TMEM163: variants seen among roughly 807,000 people sequenced by gnomAD.
TMEM163 encodes transmembrane protein 163.
TMEM163 carries 17 observed loss-of-function variants against 29.3 expected under a neutral mutation model. The ratio of observed to expected loss-of-function variants is 0.58; its 90% CI spans 0.40 to 0.87. TMEM163 has a LOEUF of 0.87. TMEM163 is among the 40% of genes least tolerant of loss of function. TMEM163 has a pLI of 0.00. For missense variants in TMEM163, 303 were observed against 381.5 expected, an observed-to-expected ratio of 0.79 and a Z score of 1.71; for synonymous variants, 157 against 160.6, an observed-to-expected ratio of 0.98 and a Z score of 0.17.
intron 2 of TMEM163, among the ~76,000 whole-genome samples, chr2:134,585,179 T>G (rs1202183358): frequency 6.6e-6 from 1 of 152,190 alleles, no homozygotes; most frequent in Non-Finnish European, 1.5e-5. Context: ...TCTTTTTTCT[T>G]TTTTAGAGAC....
At chr2:134,698,952 A>G (rs1377554372) in intron 2 of TMEM163, among the ~76,000 whole-genome samples, 1 of 152,246 alleles carries the variant, frequency 6.6e-6, no homozygotes, top group Non-Finnish European at 1.5e-5. Context: ...CTCCACATTG[A>G]GCCACTGGAT....
At chr2:134,625,467 G>A (rs530878231) in intron 2 of TMEM163, among the ~76,000 whole-genome samples, 12 of 152,274 alleles carry the variant, frequency 7.9e-5, no homozygotes, top group African/African-American at 2.4e-4. Context: ...GGAGAGGAGC[G>A]GATTTGTGAA....
chr2:134,531,870 C>T (rs1680423697), intron 4 of TMEM163, among the ~76,000 whole-genome samples: 2 of 152,170 alleles, frequency 1.3e-5, no homozygotes, highest in South Asian at 4.1e-4. Context: ...AGGCTGGGGG[C>T]TGGGGCTGGA....
intron 2 of TMEM163, among the ~76,000 whole-genome samples, chr2:134,682,479 A>G (rs1160717556): frequency 6.6e-6 from 1 of 152,218 alleles, no homozygotes; most frequent in Admixed American, 6.5e-5. Context: ...TTATACGGAA[A>G]GAAAACTAAT....
At chr2:134,586,505 G>A (rs1681827234) in intron 2 of TMEM163, among the ~76,000 whole-genome samples, 1 of 152,158 alleles carries the variant, frequency 6.6e-6, no homozygotes. Context: ...TTTTCATAAG[G>A]ACGCTAGTCA....
chr2:134,656,961 A>G (rs1390490068), intron 2 of TMEM163, among the ~76,000 whole-genome samples: 1 of 152,204 alleles, frequency 6.6e-6, no homozygotes, highest in Non-Finnish European at 1.5e-5. Context: ...ATCATGGTGA[A>G]TTAACTTCTT....
At chr2:134,683,995 A>G (rs1022231063) in intron 2 of TMEM163, among the ~76,000 whole-genome samples, 3 of 152,224 alleles carry the variant, frequency 2.0e-5, no homozygotes, top group African/African-American at 7.2e-5. Context: ...TTTACCAGCA[A>G]TGACTAATGA....
At chr2:134,557,611 A>T (rs765081626) in intron 2 of TMEM163, among the ~76,000 whole-genome samples, 52 of 152,170 alleles carry the variant, frequency 3.4e-4, no homozygotes, top group Non-Finnish European at 5.3e-4. Flanking sequence ...AAATGGTTGT[A>T]TTTTTTAAAG....
intron 2 of TMEM163, among the ~76,000 whole-genome samples, chr2:134,589,861 G>T (rs149463806): frequency 4.3e-4 from 65 of 152,204 alleles, no homozygotes; most frequent in African/African-American, 1.5e-3. Context: ...ACTCCTTTCT[G>T]GTAACAGAAT....
At chr2:134,469,022 A>G (rs1161902973) in intron 5 of TMEM163, 2 of 152,218 alleles carry the variant, frequency 1.3e-5, no homozygotes, top group African/African-American at 4.8e-5. Context: ...CACATGATCC[A>G]CACACAAACG....
rs1266562258 is a variant in TMEM163, at chr2:134,550,564, A to G, written c.458+6T>C. 1 of 1,613,670 alleles carries G rather than the reference A, an allele frequency of 6.2e-7. No homozygotes were observed. The highest frequency in any genetic ancestry group is 8.5e-7 in the Non-Finnish European group (1 of 1,179,766). On this transcript the variant is annotated splice_donor_region_variant and intron_variant, in intron 4 of 7. Transcript: ENST00000281924. ...TCAGCCTGGAGAAAGACAAGAATCTACTTACATGTACTCCCTATGGGCAGA... is the reference window on the plus strand; with the variant it reads ...TCAGCCTGGAGAAAGACAAGAATCTGCTTACATGTACTCCCTATGGGCAGA...
chr2:134,535,624 C>A (rs1366600041), intron 4 of TMEM163, among the ~76,000 whole-genome samples: 1 of 152,036 alleles, frequency 6.6e-6, no homozygotes, highest in African/African-American at 2.4e-5. Context: ...GTTAACAATA[C>A]AGTATTGTAC....
At chr2:134,602,436 A>G (rs1014315420) in intron 2 of TMEM163, among the ~76,000 whole-genome samples, 2 of 152,076 alleles carry the variant, frequency 1.3e-5, no homozygotes, top group Non-Finnish European at 2.9e-5. Context: ...TTCCCAAGTC[A>G]CCGCTTGGAG....
intron 2 of TMEM163, among the ~76,000 whole-genome samples, chr2:134,667,657 T>G (rs904648848): frequency 2.6e-5 from 4 of 152,250 alleles, no homozygotes; most frequent in African/African-American, 9.6e-5. Flanking sequence ...AATTCATATA[T>G]GTAACCGCTT....
chr2:134,636,967 C>T (rs1232507015), intron 2 of TMEM163, among the ~76,000 whole-genome samples: 3 of 152,142 alleles, frequency 2.0e-5, no homozygotes, highest in Admixed American at 2.0e-4. Flanking sequence ...GACTCACTGG[C>T]CCCCCACCCA....
At position 134,699,376 on chromosome 2, in the gene TMEM163, C is replaced by T. The variant is rs116528310; in HGVS notation, c.322+13824G>A. Among the ~76,000 whole-genome samples the T allele has an allele frequency of 1.6e-3, 243 of 152,148 alleles. 1 individual carries two copies. Among genetic ancestry groups the T allele is most frequent in the African/African-American group, 5.7e-3 (238 of 41,524 alleles). On this transcript the variant is annotated intron_variant, in intron 2 of 7. Transcript: ENST00000281924. ...AAAAATTAGCCAGGCGTGTGGTACACGTCTGTAGTGCCAGCGATTTGGGAG... is the reference window on the plus strand; with the variant it reads ...AAAAATTAGCCAGGCGTGTGGTACATGTCTGTAGTGCCAGCGATTTGGGAG...
At chr2:134,715,412 C>T (rs1208882549) in intron 1 of TMEM163, among the ~76,000 whole-genome samples, 1 of 152,110 alleles carries the variant, frequency 6.6e-6, no homozygotes, top group Admixed American at 6.5e-5. Flanking sequence ...AGTACTTCTT[C>T]CCCAGATCTG....
chr2:134,644,120 A>G (rs1364947490), intron 2 of TMEM163, among the ~76,000 whole-genome samples: 2 of 152,150 alleles, frequency 1.3e-5, no homozygotes, highest in African/African-American at 4.8e-5. Context: ...AAGAAGTTCT[A>G]AATAAATGGA....
chr2:134,571,338 A>G (rs1424103707), intron 2 of TMEM163, among the ~76,000 whole-genome samples: 11 of 152,216 alleles, frequency 7.2e-5, no homozygotes, highest in Admixed American at 3.3e-4. Context: ...CTAATGGCCA[A>G]CAAGGCTATG....
Sources: gnomAD v4.1 joint callset for allele counts (sites outside exome capture counted in the v4.1 genomes callset) on GRCh38, gnomAD v4.1.1 for gene constraint, MANE v1.5 for transcripts, NCBI Gene and HGNC (gene_info 2026-07-23, HGNC 2026-07-21) for gene names.